The following NUP155 variants were observed in gnomAD, a reference collection of about 807,000 sequenced individuals.
NUP155 encodes the protein nucleoporin 155, also known as nuclear pore complex protein Nup155.
Under a neutral mutation model 180.4 loss-of-function variants are expected in NUP155, and 71 were observed. The ratio of observed to expected loss-of-function variants is 0.39; its 90% CI spans 0.33 to 0.48. The LOEUF (loss-of-function observed/expected upper bound fraction) is 0.48, where lower values mean the gene tolerates loss of function less well. NUP155 is among the 20% of genes least tolerant of loss of function. The probability of loss-of-function intolerance (pLI) is 0.91; values close to 1 mark genes in which losing one functional copy is unlikely to be tolerated. For missense variants in NUP155, 1,553 were observed against 1,648.9 expected (o/e 0.94, Z 1.01); for synonymous variants, 582 against 559.5 (o/e 1.04, Z -0.57).
At chr5:37,316,595 G>C (rs1406515491) in intron 21 of NUP155, among the ~76,000 whole-genome samples, 1 of 152,070 alleles carries the variant, frequency 6.6e-6, no homozygotes, top group Non-Finnish European at 1.5e-5. Flanking sequence ...CTCCCGAGCA[G>C]CTGGGATTAC....
At chr5:37,350,107 A>G in intron 7 of NUP155, 53 bp downstream of exon 7, 1 of 1,173,580 alleles carries the variant, frequency 8.5e-7, no homozygotes, top group African/African-American at 1.5e-5. Flanking sequence ...ACGTTGAGGG[A>G]ACAATGTGTT....
At chr5:37,292,764 T>C (rs1455041556) in intron 34 of NUP155, 115 bp downstream of exon 34, 6 of 703,356 alleles carry the variant, frequency 8.5e-6, no homozygotes, top group South Asian at 3.2e-5. Context: ...ATCATTCAAA[T>C]AGTTATTGCT....
intron 34 of NUP155, among the ~76,000 whole-genome samples, chr5:37,292,506 C>T (rs577999005): frequency 2.3e-4 from 35 of 152,240 alleles, no homozygotes; most frequent in African/African-American, 3.9e-4. Flanking sequence ...TGAGCCACCA[C>T]GCCTGGCCTG....
At chr5:37,331,232 G>A (rs1359505561) in intron 14 of NUP155, among the ~76,000 whole-genome samples, 4 of 151,970 alleles carry the variant, frequency 2.6e-5, no homozygotes, top group African/African-American at 9.7e-5. Context: ...GCTTTCAAAT[G>A]TCAGTTCACA....
intron 11 of NUP155, among the ~76,000 whole-genome samples, chr5:37,339,759 T>A (rs1450939429): frequency 6.6e-6 from 1 of 152,132 alleles, no homozygotes; most frequent in Non-Finnish European, 1.5e-5. Flanking sequence ...TTTTTGTGTG[T>A]TTTTTGTTTT....
intron 14 of NUP155, among the ~76,000 whole-genome samples, chr5:37,330,433 T>G (rs1744881818): frequency 6.6e-6 from 1 of 152,192 alleles, no homozygotes; most frequent in Non-Finnish European, 1.5e-5. Context: ...AAAATAACAA[T>G]TAAGTGGTAA....
rs764062041 is a variant in NUP155, at chr5:37,307,466, TTAC to T, written c.2768-37_2768-35del. 212 of 1,608,928 alleles carry T rather than the reference TTAC, an allele frequency of 1.3e-4. 1 individual carries two copies. Among genetic ancestry groups the T allele is most frequent in the Non-Finnish European group, 1.8e-4 (206 of 1,175,600 alleles). Reference sequence around the variant, plus strand: ...AAAGAAAAGAATGAAGACCTATGACTTACTACTAAGTTGGATACATTTTTCCTT... The same window carrying T: ...AAAGAAAAGAATGAAGACCTATGACTTACTAAGTTGGATACATTTTTCCTT... On this transcript the variant is annotated intron_variant, in intron 24 of 34. Coordinates refer to ENST00000231498, the MANE Select transcript of NUP155 (RefSeq NM_153485.3).
intron 3 of NUP155, among the ~76,000 whole-genome samples, chr5:37,362,869 T>C (rs1747310626): frequency 6.6e-6 from 1 of 152,180 alleles, no homozygotes; most frequent in Non-Finnish European, 1.5e-5. Flanking sequence ...GCTATAGGTG[T>C]TAAGCTGTCA....
rs542970460 is a variant in NUP155, at chr5:37,290,381, G to A, written c.*1519C>T. 6.6e-6 allele frequency: 1 copy of A among 152,006 alleles called. No homozygotes were observed. The highest frequency in any genetic ancestry group is 2.4e-5 in the African/African-American group (1 of 41,442). The allele number at this position is 152,006 out of a possible 1,614,324, so 9.4% of individuals were successfully genotyped here. On this transcript the variant is annotated 3_prime_UTR_variant, in exon 35 of 35. Coordinates refer to ENST00000231498, the MANE Select transcript of NUP155 (RefSeq NM_153485.3). The stretch of plus-strand genomic sequence containing the variant: ...AATCCCAGCTACTCGAGAGGCTGAG[G>A]CAGGCAAATTGCTTCAAACCTGTGA...
At chr5:37,312,305 T>C (rs1333084301) in intron 22 of NUP155, among the ~76,000 whole-genome samples, 3 of 151,780 alleles carry the variant, frequency 2.0e-5, no homozygotes, top group African/African-American at 7.3e-5. Context: ...ATCAAGCCTA[T>C]ATAATAAACT....
At chr5:37,323,142 G>A (rs192153959) in intron 20 of NUP155, among the ~76,000 whole-genome samples, 1 of 152,064 alleles carries the variant, frequency 6.6e-6, no homozygotes. Context: ...AGAATTAGCT[G>A]GGCATGGTGG....
intron 4 of NUP155, among the ~76,000 whole-genome samples, chr5:37,353,314 G>A (rs1746591158): frequency 6.6e-6 from 1 of 151,834 alleles, no homozygotes. Context: ...AAGTAAGAAA[G>A]TTGGCCGGGC....
intron 9 of NUP155, among the ~76,000 whole-genome samples, chr5:37,345,782 T>C (rs960453538): frequency 6.6e-6 from 1 of 151,716 alleles, no homozygotes; most frequent in East Asian, 1.9e-4. Context: ...TGCGCGCCTA[T>C]AGTCCCAGCT....
chr5:37,309,466 C>T (rs895651735), intron 23 of NUP155, 199 bp from the exon 24 acceptor site: 3 of 549,502 alleles, frequency 5.5e-6, no homozygotes, highest in Non-Finnish European at 9.6e-6. Flanking sequence ...ATTCCTCTCC[C>T]AAATATGTTA....
At chr5:37,358,837 T>C (rs1321356686) in intron 3 of NUP155, among the ~76,000 whole-genome samples, 1 of 152,012 alleles carries the variant, frequency 6.6e-6, no homozygotes, top group Non-Finnish European at 1.5e-5. Context: ...GCCAATGTGG[T>C]GAAACCCCGT....
chr5:37,351,436 A>G (rs1746449505), intron 5 of NUP155, 80 bp from the exon 6 acceptor site: 3 of 1,022,668 alleles, frequency 2.9e-6, no homozygotes, highest in Middle Eastern at 3.0e-4. Flanking sequence ...ATCAGAATCT[A>G]TATGTTTACT....
chr5:37,366,780 T>C (rs1370329953), intron 1 of NUP155, among the ~76,000 whole-genome samples: 1 of 151,870 alleles, frequency 6.6e-6, no homozygotes, highest in East Asian at 1.9e-4. Context: ...GCCTCCCAAG[T>C]AGCTGGGACT....
chr5:37,340,728 A>G (rs1172647794), intron 11 of NUP155, among the ~76,000 whole-genome samples: 1 of 152,240 alleles, frequency 6.6e-6, no homozygotes, highest in Non-Finnish European at 1.5e-5. Context: ...CACACAACAT[A>G]CAAAAATTAT....
intron 9 of NUP155, 40 bp downstream of exon 9, chr5:37,348,465 T>C: frequency 1.7e-6 from 2 of 1,187,694 alleles, no homozygotes; most frequent in East Asian, 4.7e-5. Flanking sequence ...AGTATAATTA[T>C]GCCTGCAAAT....
Sources: gnomAD v4.1 joint callset for allele counts (sites outside exome capture counted in the v4.1 genomes callset) on GRCh38, gnomAD v4.1.1 for gene constraint, MANE v1.5 for transcripts, NCBI Gene and HGNC (gene_info 2026-07-23, HGNC 2026-07-21) for gene names.